Variants in DNAH2 observed in about 807,000 individuals in gnomAD.
DNAH2 encodes the protein axonemal beta dynein heavy chain 2.
In DNAH2, 323 loss-of-function variants were observed where a neutral mutation model predicts 523.5. The observed-to-expected ratio is 0.62, with a 90% CI of 0.56 to 0.68. The LOEUF is 0.68. Among genes scored for constraint, DNAH2 ranks in the 30% least tolerant of loss-of-function variants. The probability of loss-of-function intolerance (pLI) is 0.00; values close to 1 mark genes in which losing one functional copy is unlikely to be tolerated. For missense variants in DNAH2, 4,907 were observed against 5,701.5 expected, an observed-to-expected ratio of 0.86 and a Z score of 4.49; for synonymous variants, 2,093 against 2,177.4, an observed-to-expected ratio of 0.96 and a Z score of 1.08.
chr17:7,718,419 G>C lies in DNAH2; in HGVS notation c.-395G>C, dbSNP rs1398214755. 3 of 152,174 alleles carry C rather than the reference G, an allele frequency of 2.0e-5. No homozygotes were observed. Among genetic ancestry groups the C allele is most frequent in the Non-Finnish European group, 4.4e-5 (3 of 68,042 alleles). 9.4% of individuals were successfully genotyped at this position (152,174 alleles called of 1,614,324 possible). A position where few individuals can be genotyped will look rare whatever the true frequency, so the allele number is the denominator to read the frequency against. On this transcript the variant is annotated 5_prime_UTR_variant, in exon 1 of 86. Coordinates refer to ENST00000572933, the MANE Select transcript of DNAH2 (RefSeq NM_020877.5). ...ATCAATGCCTGTGGCAGCCTGTGGGGATGAGGAAGGAGAGCCACAGGTGCC... is the reference window on the plus strand; with the variant it reads ...ATCAATGCCTGTGGCAGCCTGTGGGCATGAGGAAGGAGAGCCACAGGTGCC...
chr17:7,764,782 C>CTTTTTTTT (rs59188289), intron 20 of DNAH2, among the ~76,000 whole-genome samples: 43 of 49,480 alleles, frequency 8.7e-4, no homozygotes, highest in Non-Finnish European at 1.2e-3. Context: ...ACTGTATTTA[C>CTTTTTTTT]TTTTTTTTTT....
Position 7,819,309 on chromosome 17 carries a change from T to C in DNAH2, c.10916T>C (p.Ile3639Thr), listed in dbSNP as rs2077786556. Residue 3639 changes from isoleucine (I) to threonine (T), a missense_variant, in exon 72 of 86, where the codon ATC becomes ACC. Coordinates refer to ENST00000572933, the MANE Select transcript of DNAH2 (RefSeq NM_020877.5). The stretch of plus-strand genomic sequence containing the variant: ...TACCAGTTCTCACTGGATGCCTACA[T>C]CAGCCTCTTTATTCTCAGCATTGAC... ...PMYQFSLDAY[I>T]SLFILSIDKS... The C allele has an allele frequency of 1.2e-6, 2 of 1,614,120 alleles. No individual in the cohort carries two copies. The highest frequency in any genetic ancestry group is 1.3e-5 in the African/African-American group (1 of 74,952).
intron 12 of DNAH2, chr17:7,755,113 C>G (rs2075801251): frequency 5.3e-6 from 1 of 188,922 alleles, no homozygotes; most frequent in Non-Finnish European, 1.1e-5. Flanking sequence ...GGAATTCTCA[C>G]CTGATGGCCT....
chr17:7,738,820 G>GT, intron 8 of DNAH2: 1 of 595,452 alleles, frequency 1.7e-6, no homozygotes, highest in Admixed American at 2.7e-5. Flanking sequence ...TTGTTTCTCG[G>GT]GGTCTGATTT....
At position 7,807,758 on chromosome 17, in the gene DNAH2, C is replaced by T. The variant is rs1476617468; in HGVS notation, c.9729+172C>T. ...CCTGTTTAGACTGGGCTGCCTCTGG[C>T]TCAGAAAGCTAAGTCAATTGCAGAG... On this transcript the variant is annotated intron_variant, in intron 63 of 85. Coordinates refer to ENST00000572933, the MANE Select transcript of DNAH2 (RefSeq NM_020877.5). The surrounding 1 kb of genome is among the most constrained non-coding windows in gnomAD (Gnocchi z 5.6). Among the ~76,000 whole-genome samples, 1 of 152,122 alleles carries T rather than the reference C, an allele frequency of 6.6e-6. No individual in the cohort carries two copies. The highest frequency in any genetic ancestry group is 1.5e-5 in the Non-Finnish European group (1 of 68,024).
Position 7,787,848 on chromosome 17 carries a change from G to A in DNAH2, c.6604-12G>A. The A allele has an allele frequency of 6.2e-6, 10 of 1,604,664 alleles. No individual in the cohort carries two copies. The highest frequency in any genetic ancestry group is 1.3e-5 in the African/African-American group (1 of 74,734). ...AGAGAAAGATGAAGTTCTGACAAAC[G>A]TATATCCTTAGGTGTCTCTCCTGTT... On this transcript the variant is annotated splice_polypyrimidine_tract_variant and intron_variant, in intron 42 of 85. Transcript: ENST00000572933.
intron 68 of DNAH2, 25 bp from the exon 69 acceptor site, chr17:7,818,287 G>T (rs1396229659): frequency 6.2e-7 from 1 of 1,612,884 alleles, no homozygotes; most frequent in South Asian, 1.1e-5. Flanking sequence ...TGGAGTCCTT[G>T]CCCCTGACCC....
rs1247136378 is a variant in DNAH2 at position 7,791,988 on chromosome 17, T to G, written c.6972T>G (p.Ser2324=). ...CATTTGTGTTCAGCATGATCTGGTC[T>G]GTGTGTGCCTCTGTGGATGAGGAGG... ...EMTFVFSMIW[S]VCASVDEEGR... is the part of the protein sequence containing the mutation. The change falls in exon 45 of 86, where the codon TCT becomes TCG. Residue 2324 remains serine, a synonymous_variant. Coordinates refer to ENST00000572933, the MANE Select transcript of DNAH2 (RefSeq NM_020877.5). The G allele has an allele frequency of 1.1e-5, 17 of 1,614,104 alleles. No individual in the cohort carries two copies. The highest frequency in any genetic ancestry group is 1.4e-5 in the Non-Finnish European group (16 of 1,179,990).
At chr17:7,764,840 ATTTTTTT>A (rs35687021) in intron 20 of DNAH2, among the ~76,000 whole-genome samples, 1 of 26,274 alleles carries the variant, frequency 3.8e-5, no homozygotes, top group African/African-American at 1.6e-4. Context: ...CAGCTTTTGG[ATTTTTTT>A]TTTTTTTTTT....
Position 7,777,429 on chromosome 17 carries a change from G to C in DNAH2, c.5059-17G>C, listed in dbSNP as rs776614587. ...CATTGCTCTGTCTGCTCTCTTCCCT[G>C]CTGCTTCATGCCACAGGTGTCAATC... On this transcript the variant is annotated splice_polypyrimidine_tract_variant and intron_variant, in intron 32 of 85. Coordinates refer to ENST00000572933, the MANE Select transcript of DNAH2 (RefSeq NM_020877.5). 1 of 1,613,980 alleles carries C rather than the reference G, an allele frequency of 6.2e-7. No homozygotes were observed. The highest frequency in any genetic ancestry group is 1.1e-5 in the South Asian group (1 of 91,072).
At chr17:7,739,191 C>T (rs367988104) in intron 8 of DNAH2, among the ~76,000 whole-genome samples, 52 of 152,188 alleles carry the variant, frequency 3.4e-4, no homozygotes, top group Middle Eastern at 3.4e-3. Flanking sequence ...AGATCACCTG[C>T]GATCAGCAGT....
chr17:7,806,698 T>C (rs2077376744), intron 61 of DNAH2, among the ~76,000 whole-genome samples: 1 of 150,030 alleles, frequency 6.7e-6, no homozygotes, highest in African/African-American at 2.4e-5. Flanking sequence ...AAGAATGTAT[T>C]GCTGCATCCA....
intron 31 of DNAH2, among the ~76,000 whole-genome samples, 181 bp downstream of exon 31, chr17:7,776,330 G>A (rs1285988184): frequency 3.9e-5 from 6 of 152,158 alleles, no homozygotes; most frequent in African/African-American, 1.4e-4. Context: ...ATCTGGTGTG[G>A]TGGTGTGCTC....
chr17:7,744,808 C>T (rs940678047), intron 12 of DNAH2, among the ~76,000 whole-genome samples: 4 of 152,124 alleles, frequency 2.6e-5, no homozygotes, highest in Non-Finnish European at 4.4e-5. Flanking sequence ...GGGGTTGAAC[C>T]TGCAAGACAC....
intron 59 of DNAH2, 28 bp downstream of exon 59, chr17:7,804,494 C>T (rs1389201262): frequency 1.2e-6 from 2 of 1,608,002 alleles, no homozygotes; most frequent in South Asian, 1.1e-5. Flanking sequence ...ACCCCCCGTG[C>T]CCCACTCCCA....
At chr17:7,811,413 C>T (rs2151310972) in intron 63 of DNAH2, among the ~76,000 whole-genome samples, 1 of 152,330 alleles carries the variant, frequency 6.6e-6, no homozygotes, top group East Asian at 1.9e-4. Context: ...CTTCAACCTT[C>T]TGAAGTTAAA....
chr17:7,819,633 A>G (rs368558023), intron 72 of DNAH2, among the ~76,000 whole-genome samples: 1 of 152,180 alleles, frequency 6.6e-6, no homozygotes. Context: ...ACTTGTCTAC[A>G]CAACTGTTGG....
At chr17:7,759,226 G>A in intron 15 of DNAH2, 102 bp downstream of exon 15, 2 of 1,525,552 alleles carry the variant, frequency 1.3e-6, no homozygotes, top group East Asian at 2.3e-5. Flanking sequence ...TTTTTTACCA[G>A]TGTGTACTTC....
chr17:7,769,342 A>G (rs762740826), intron 24 of DNAH2, among the ~76,000 whole-genome samples: 4 of 151,922 alleles, frequency 2.6e-5, no homozygotes, highest in Non-Finnish European at 5.9e-5. Context: ...TTGTATTTTT[A>G]GTAGAGATGG....
Sources: gnomAD v4.1 joint callset for allele counts (sites outside exome capture counted in the v4.1 genomes callset) on GRCh38, gnomAD v4.1.1 for gene constraint, Gnocchi (gnomAD v3.1) non-coding constraint, MANE v1.5 for transcripts, NCBI Gene and HGNC (gene_info 2026-07-23, HGNC 2026-07-21) for gene names.